Variants in SMTN observed in about 807,000 individuals in gnomAD.
SMTN encodes the protein smoothelin.
SMTN carries 58 observed loss-of-function variants against 102.0 expected under a neutral mutation model. The observed-to-expected ratio is 0.57, with a 90% CI of 0.46 to 0.71. The LOEUF (loss-of-function observed/expected upper bound fraction) is 0.71. Among genes scored for constraint, SMTN ranks in the 30% least tolerant of loss-of-function variants. The pLI is 0.00. For missense variants in SMTN, 1,185 were observed against 1,241.7 expected, an observed-to-expected ratio of 0.95 and a Z score of 0.69; for synonymous variants, 478 against 497.9, an observed-to-expected ratio of 0.96 and a Z score of 0.53.
intron 8 of SMTN, 41 bp downstream of exon 8, chr22:31,090,221 C>G (rs745757593): frequency 6.6e-7 from 1 of 1,512,666 alleles, no homozygotes; most frequent in Admixed American, 2.0e-5. Flanking sequence ...ATCTTTCTTC[C>G]CCTCCCCCTG....
upstream of SMTN, among the ~76,000 whole-genome samples, chr22:31,078,121 A>C (rs183920502): frequency 6.6e-6 from 1 of 152,220 alleles, no homozygotes; most frequent in Non-Finnish European, 1.5e-5. Flanking sequence ...TAGAGAGCCC[A>C]AGGCACAGCT....
chr22:31,082,668 G>A (rs2042387951), intron 1 of SMTN: 1 of 637,938 alleles, frequency 1.6e-6, no homozygotes, highest in Admixed American at 2.3e-5. Context: ...AGAATCGGAA[G>A]ACACAGTGTA....
At chr22:31,074,464 C>G (rs2042081085) in intron 1 of SMTN, among the ~76,000 whole-genome samples, 1 of 151,864 alleles carries the variant, frequency 6.6e-6, no homozygotes, top group African/African-American at 2.4e-5. Context: ...AAATGCCTTC[C>G]CCTCCCTGAG....
chr22:31,095,461 G>A lies in SMTN; in HGVS notation c.1785+6G>A, dbSNP rs2043502128. The A allele has an allele frequency of 2.5e-6, 4 of 1,614,250 alleles. No individual in the cohort carries two copies. The highest frequency in any genetic ancestry group is 2.2e-5 in the South Asian group (2 of 91,090). ...AAGGAGTCTTGGACAAGATGGTATA[G>A]CCAGATCCGGTGGGCTGGGGGTTGG... On this transcript the variant is annotated splice_donor_region_variant and intron_variant, in intron 12 of 20. Coordinates refer to ENST00000333137, the MANE Select transcript of SMTN (RefSeq NM_134269.3). The surrounding 1 kb of genome is among the most constrained non-coding windows in gnomAD (Gnocchi z 4.1).
chr22:31,104,184 G>A (rs2044313506), intron 20 of SMTN, 132 bp from the exon 21 acceptor site: 1 of 1,072,072 alleles, frequency 9.3e-7, no homozygotes, highest in Non-Finnish European at 1.3e-6. Flanking sequence ...TGCCTTCCTG[G>A]AAGGCTTTTC....
intron 18 of SMTN, 30 bp from the exon 19 acceptor site, chr22:31,099,715 G>C (rs762999798): frequency 6.2e-7 from 1 of 1,608,108 alleles, no homozygotes; most frequent in South Asian, 1.1e-5. Context: ...TTGCCCCCAG[G>C]TTCCTGACCA....
intron 6 of SMTN, 175 bp from the exon 7 acceptor site, chr22:31,089,524 A>C (rs1324537336): frequency 6.4e-6 from 4 of 626,754 alleles, no homozygotes; most frequent in Non-Finnish European, 1.1e-5. Flanking sequence ...TGGGGATCAG[A>C]GACTGCCCTT....
chr22:31,088,206 C>T, intron 3 of SMTN, 93 bp downstream of exon 3: 1 of 1,369,022 alleles, frequency 7.3e-7, no homozygotes. Flanking sequence ...ACAAGTGTAT[C>T]TGTGGATTGC....
intron 2 of SMTN, chr22:31,083,529 C>T (rs2042450968): frequency 3.7e-6 from 2 of 533,672 alleles, no homozygotes; most frequent in South Asian, 4.8e-5. Flanking sequence ...CCTCCCAACC[C>T]TCCACAGCCA....
chr22:31,077,205 C>T (rs185694077), upstream of SMTN, among the ~76,000 whole-genome samples: 3 of 152,054 alleles, frequency 2.0e-5, no homozygotes, highest in Admixed American at 6.5e-5. Context: ...CCCAGGAGTT[C>T]GAGACTAGCC....
chr22:31,097,009 CG>C lies in SMTN; in HGVS notation c.2040del (p.Thr681ArgfsTer12). 6.2e-7 allele frequency: 1 copy of C among 1,614,140 alleles called. No homozygotes were observed. On this transcript the variant is annotated frameshift_variant, in exon 15 of 21. Transcript: ENST00000333137. LOFTEE classifies it high-confidence loss of function. The stretch of plus-strand genomic sequence containing the variant: ...CCCTGCCCCTGCAGATGATGGCACA[CG>C]GACGGCCCGCACCACCACAGTGGAG... Reference protein sequence around the residue: ...ERLVHSNDGTRTARTTTVESS... With the variant: ...ERLVHSNDGTXTARTTTVESS...
Position 31,091,419 on chromosome 22 carries a change from A to G in SMTN, c.1396A>G (p.Lys466Glu). Residue 466 changes from lysine to glutamate, a missense_variant, in exon 10 of 21, where the codon AAG (lysine) becomes GAG (glutamate). By Grantham distance (56) the Lys-to-Glu change is moderately conservative (BLOSUM62 1). This residue lies in a region of SMTN where 1,096 missense variants were observed against 1,112.7 expected (regional missense o/e 0.98). Transcript: ENST00000333137. ...GAAGACCACATTCACCATCGAGATC[A>G]AGGACGGCCGTGGCCAGGCCTCCAC... is the stretch of plus-strand genomic sequence containing the variant. ...SMKTTFTIEI[K>E]DGRGQASTGR... 1 of 1,564,574 alleles carries G rather than the reference A, an allele frequency of 6.4e-7. No individual in the cohort carries two copies. Among genetic ancestry groups the G allele is most frequent in the South Asian group, 1.2e-5 (1 of 83,094 alleles).
In SMTN at chr22:31,092,404, C is replaced by A. The variant is rs146499801; in HGVS notation, c.1632+557C>A. The A allele has an allele frequency of 8.3e-4, 385 of 463,160 alleles. 2 individuals are homozygous for A. Among genetic ancestry groups the A allele is most frequent in the African/African-American group, 7.2e-3 (361 of 50,066 alleles). 28.7% of individuals were successfully genotyped at this position (463,160 alleles called of 1,614,324 possible). A position where few individuals can be genotyped will look rare whatever the true frequency, so the allele number is the denominator to read the frequency against. The stretch of plus-strand genomic sequence containing the variant: ...GAGGGGCGCCAATCAGGTGAGGCAG[C>A]AGCCTAGCAGGTGCCTTGGGAACTG... On this transcript the variant is annotated intron_variant, in intron 11 of 20. Coordinates refer to ENST00000333137, the MANE Select transcript of SMTN (RefSeq NM_134269.3).
Position 31,073,041 on chromosome 22 carries a change from G to T in SMTN, c.-385-7409G>T, listed in dbSNP as rs534459016. Among the ~76,000 whole-genome samples, 31 of 119,560 alleles carry T rather than the reference G, an allele frequency of 2.6e-4. No homozygotes were observed. The South Asian group carries it at 6.9e-3, about 27-fold the overall frequency. 78.4% of individuals were successfully genotyped at this position (119,560 alleles called of 152,430 possible). On this transcript the variant is annotated intron_variant, in intron 1 of 3. Transcript: ENST00000422839. ...TTTTTTTTTTTTTTTTTGAGACAGG[G>T]TCTTGCTCTGTCACCCAGGCTAGAG...
upstream of SMTN, among the ~76,000 whole-genome samples, chr22:31,078,237 A>G (rs1218917431): frequency 6.6e-6 from 1 of 152,198 alleles, no homozygotes; most frequent in African/African-American, 2.4e-5. Flanking sequence ...TCCTGACCCA[A>G]GGCCTGGGCT....
intron 1 of SMTN, among the ~76,000 whole-genome samples, chr22:31,073,852 G>C (rs1454221160): frequency 6.6e-6 from 1 of 152,220 alleles, no homozygotes; most frequent in African/African-American, 2.4e-5. Flanking sequence ...TCTGGTCTCA[G>C]TTGGGCTTAC....
chr22:31,091,168 C>G lies in SMTN; in HGVS notation c.1145C>G (p.Ser382Cys). 1.2e-6 allele frequency: 2 copies of G among 1,613,720 alleles called. No homozygotes were observed. Among genetic ancestry groups the G allele is most frequent in the Middle Eastern group, 3.3e-4 (2 of 6,062 alleles). ...CCTGCCTCCTCCTCCAGCGGCTCCT[C>G]CTCTCGGGGCCCCAGTGATACCTCC... ...TTPASSSSGS[S>C]SRGPSDTSSR... Residue 382 changes from serine (S) to cysteine (C), a missense_variant, in exon 10 of 21, where the codon TCC becomes TGC. Physicochemically the swap from Ser to Cys is moderately radical, Grantham distance 112. Coordinates refer to ENST00000333137, the MANE Select transcript of SMTN (RefSeq NM_134269.3).
intron 18 of SMTN, 41 bp from the exon 19 acceptor site, chr22:31,099,704 G>C (rs1434785641): frequency 1.2e-6 from 2 of 1,603,106 alleles, no homozygotes; most frequent in African/African-American, 2.7e-5. Flanking sequence ...GCAGGGGGGA[G>C]TTGCCCCCAG....
intron 1 of SMTN, 147 bp from the exon 2 acceptor site, chr22:31,083,032 A>G: frequency 7.2e-7 from 1 of 1,398,314 alleles, no homozygotes; most frequent in Non-Finnish European, 9.9e-7. Flanking sequence ...ACCCTAGGGC[A>G]GAGGGCAGCT....
Sources: allele counts gnomAD v4.1 joint callset (sites outside exome capture counted in the v4.1 genomes callset), GRCh38; gene constraint gnomAD v4.1.1; regional missense constraint gnomAD v4.1.1; non-coding constraint Gnocchi (gnomAD v3.1); transcripts MANE v1.5; gene names NCBI Gene and HGNC (gene_info 2026-07-23, HGNC 2026-07-21).